The following KCNQ1 variants were observed in gnomAD, a reference collection of about 807,000 sequenced individuals.
KCNQ1 encodes the protein potassium voltage-gated channel subfamily Q member 1, also known as potassium voltage-gated channel subfamily KQT member 1.
In KCNQ1, 49 loss-of-function variants were observed where a neutral mutation model predicts 72.4. That is an observed-to-expected ratio of 0.68 (90% confidence interval 0.54 to 0.86). KCNQ1 has a LOEUF of 0.86. Among genes scored for constraint, KCNQ1 ranks in the 40% least tolerant of loss-of-function variants. The pLI is 0.00. For missense variants in KCNQ1, 790 were observed against 945.1 expected, an observed-to-expected ratio of 0.84 and a Z score of 2.15; for synonymous variants, 450 against 412.6, an observed-to-expected ratio of 1.09 and a Z score of -1.10.
intron 11 of KCNQ1, chr11:2,667,245 C>A (rs1430052188): frequency 2.5e-6 from 1 of 398,652 alleles, no homozygotes; most frequent in Admixed American, 4.4e-5. Context: ...TCCGTCTGAG[C>A]ACGTGAGGAA....
In KCNQ1 at chr11:2,748,600, C is replaced by T. The variant is rs1162522577; in HGVS notation, c.1515-20244C>T. ...CAGCATGAAACTGCAGGTGCAGGAG[C>T]CCCAGCCAGCCTGGAATGTGGGGGC... is the stretch of plus-strand genomic sequence containing the variant. On this transcript the variant is annotated intron_variant, in intron 11 of 15. Transcript: ENST00000155840. The surrounding 1 kb of genome is among the most constrained non-coding windows in gnomAD (Gnocchi z 6.2). 6.6e-6 allele frequency among the ~76,000 whole-genome samples: 1 copy of T among 152,206 alleles called. No homozygotes were observed. The highest frequency in any genetic ancestry group is 1.5e-5 in the Non-Finnish European group (1 of 68,022).
At chr11:2,470,661 T>C (rs1239549124) in intron 1 of KCNQ1, among the ~76,000 whole-genome samples, 1 of 149,590 alleles carries the variant, frequency 6.7e-6, no homozygotes, top group Non-Finnish European at 1.5e-5. Context: ...TTCCAGGGTT[T>C]CTCTGGGGTT....
chr11:2,585,541 G>C (rs1848581526), intron 8 of KCNQ1, among the ~76,000 whole-genome samples: 1 of 152,250 alleles, frequency 6.6e-6, no homozygotes, highest in South Asian at 2.1e-4. Flanking sequence ...CTGTGGGCTG[G>C]AGAGGAGGCA....
chr11:2,827,106 AGAG>A lies in KCNQ1; in HGVS notation c.1795-20656_1795-20654del, dbSNP rs1240389426. Reference sequence around the variant, plus strand: ...GGGAGGGGAACAGGCTGGGCTGCAGAGAGGAGGCCAGGCACAGTCACCTCGTGT... The same window carrying A: ...GGGAGGGGAACAGGCTGGGCTGCAGAGAGGCCAGGCACAGTCACCTCGTGT... On this transcript the variant is annotated intron_variant, in intron 15 of 15. Coordinates refer to ENST00000155840, the MANE Select transcript of KCNQ1 (RefSeq NM_000218.3). The surrounding 1 kb of genome is among the most constrained non-coding windows in gnomAD (Gnocchi z 6.7). 6.6e-5 allele frequency among the ~76,000 whole-genome samples: 10 copies of A among 152,184 alleles called. No homozygotes were observed. The highest frequency in any genetic ancestry group is 1.2e-4 in the Non-Finnish European group (8 of 68,014).
rs773286559 is a variant in KCNQ1, at chr11:2,815,188, TG to T, written c.1795-32575del. Among the ~76,000 whole-genome samples the T allele has an allele frequency of 7.2e-5, 11 of 152,184 alleles. No homozygotes were observed. The highest frequency in any genetic ancestry group is 2.1e-4 in the South Asian group (1 of 4,828). ...AGGGTGTCACTGAGGGTCCCAAGTC[TG>T]GGGTGGCCAGGTCACAGCTTGAACC... On this transcript the variant is annotated intron_variant, in intron 15 of 15. Transcript: ENST00000155840. This position sits in a 1 kb window ranked among gnomAD's most constrained non-coding sequence, Gnocchi z 5.4.
At chr11:2,665,967 C>G in intron 11 of KCNQ1, 1 of 398,660 alleles carries the variant, frequency 2.5e-6, no homozygotes, top group Non-Finnish European at 4.4e-6. Flanking sequence ...CACTGCATCC[C>G]CAACTGCCAA....
At chr11:2,758,900 G>A (rs953877334) in intron 11 of KCNQ1, among the ~76,000 whole-genome samples, 1 of 152,196 alleles carries the variant, frequency 6.6e-6, no homozygotes, top group Non-Finnish European at 1.5e-5. Context: ...TGGTGAGGGT[G>A]GGAGTGACTT....
In KCNQ1 at chr11:2,808,087, C is replaced by T. The variant is rs951339895; in HGVS notation, c.1794+30050C>T. 2.0e-5 allele frequency among the ~76,000 whole-genome samples: 3 copies of T among 152,234 alleles called. No individual in the cohort carries two copies. Among genetic ancestry groups the T allele is most frequent in the Admixed American group, 6.5e-5 (1 of 15,288 alleles). ...GTGGCAAGTGAAGGCGGCTGCTTCCCGCCCCTCTCATGGACACCACTGTGG... is the reference window on the plus strand; with the variant it reads ...GTGGCAAGTGAAGGCGGCTGCTTCCTGCCCCTCTCATGGACACCACTGTGG... On this transcript the variant is annotated intron_variant, in intron 15 of 15. Transcript: ENST00000155840. The surrounding 1 kb of genome is among the most constrained non-coding windows in gnomAD (Gnocchi z 6.0).
chr11:2,513,634 TC>T (rs1847244246), intron 1 of KCNQ1, among the ~76,000 whole-genome samples: 1 of 152,166 alleles, frequency 6.6e-6, no homozygotes, highest in Admixed American at 6.5e-5. Context: ...GTCGGGAGCC[TC>T]CATCACCAGA....
At position 2,478,111 on chromosome 11, in the gene KCNQ1, C is replaced by T. The variant is rs970763012; in HGVS notation, c.386+32627C>T. Among the ~76,000 whole-genome samples, 12 of 152,014 alleles carry T rather than the reference C, an allele frequency of 7.9e-5. No homozygotes were observed. The highest frequency in any genetic ancestry group is 1.9e-4 in the East Asian group (1 of 5,134). The stretch of plus-strand genomic sequence containing the variant: ...TCACCACCCTCCGGATGGACAGCCT[C>T]GGTAGCAGAACTCCTGCCAAAGACA... On this transcript the variant is annotated intron_variant, in intron 1 of 15. Transcript: ENST00000155840. This position sits in a 1 kb window ranked among gnomAD's most constrained non-coding sequence, Gnocchi z 4.0.
intron 10 of KCNQ1, chr11:2,638,933 G>C (rs1849524546): frequency 6.6e-6 from 1 of 151,978 alleles, no homozygotes; most frequent in Non-Finnish European, 1.5e-5. Context: ...TTTTTTCTCT[G>C]AACTTCTCTT....
intron 11 of KCNQ1, chr11:2,685,816 C>T (rs1850478617): frequency 2.5e-6 from 1 of 398,596 alleles, no homozygotes; most frequent in Non-Finnish European, 4.4e-6. Flanking sequence ...AATGCGATTC[C>T]TACTAGAACG....
intron 2 of KCNQ1, among the ~76,000 whole-genome samples, chr11:2,548,291 G>A (rs1847928812): frequency 1.3e-5 from 2 of 152,188 alleles, no homozygotes; most frequent in Admixed American, 6.5e-5. Flanking sequence ...GACTGGGAAC[G>A]TCTTTTGCTG....
Position 2,543,793 on chromosome 11 carries a change from C to T in KCNQ1, c.477+15775C>T, listed in dbSNP as rs116525426. On this transcript the variant is annotated intron_variant, in intron 2 of 15. Transcript: ENST00000155840. This position sits in a 1 kb window ranked among gnomAD's most constrained non-coding sequence, Gnocchi z 5.6. ...TTTTCTCTATCATGTAAGACATAGG[C>T]GGAGATTCATGTGTTTTTTCTTATG... Among the ~76,000 whole-genome samples, 2,836 of 152,142 alleles carry T rather than the reference C, an allele frequency of 0.019. 89 individuals are homozygous for T. Among genetic ancestry groups the T allele is most frequent in the African/African-American group, 0.061 (2,538 of 41,492 alleles).
chr11:2,611,018 G>C lies in KCNQ1; in HGVS notation c.1393+22164G>C, dbSNP rs1848972817. On this transcript the variant is annotated intron_variant, in intron 10 of 15. Transcript: ENST00000155840. The surrounding 1 kb of genome is among the most constrained non-coding windows in gnomAD (Gnocchi z 5.3). ...GTTGTCTATTATTGTTCAGTTGTCTGTTTCTCTCTTCATTTCTGACAGTTT... is the reference window on the plus strand; with the variant it reads ...GTTGTCTATTATTGTTCAGTTGTCTCTTTCTCTCTTCATTTCTGACAGTTT... The C allele has an allele frequency of 5.0e-6, 2 of 398,198 alleles. No individual in the cohort carries two copies. Among genetic ancestry groups the C allele is most frequent in the Non-Finnish European group, 8.8e-6 (2 of 225,998 alleles). 24.7% of individuals were successfully genotyped at this position (398,198 alleles called of 1,614,324 possible).
chr11:2,693,743 C>T (rs190171684), intron 11 of KCNQ1: 74 of 398,608 alleles, frequency 1.9e-4, no homozygotes, highest in Middle Eastern at 6.2e-4. Flanking sequence ...CTGGGTTATA[C>T]AGGCTCCTGC....
chr11:2,542,710 T>C (rs2133680316), intron 2 of KCNQ1, among the ~76,000 whole-genome samples: 1 of 152,250 alleles, frequency 6.6e-6, no homozygotes, highest in Middle Eastern at 3.4e-3. Flanking sequence ...AATCATACAG[T>C]GTGTGGTTTT....
rs891291205 is a variant in KCNQ1, at chr11:2,621,468, G to A, written c.1393+32614G>A. On this transcript the variant is annotated intron_variant, in intron 10 of 15. Transcript: ENST00000155840. The surrounding 1 kb of genome is among the most constrained non-coding windows in gnomAD (Gnocchi z 5.7). ...AGGACCTTTGCCAGATGAATAGTTT[G>A]CAAATATTTTTTCTCCCATTCTATA... 1.3e-5 allele frequency: 5 copies of A among 398,464 alleles called. No individual in the cohort carries two copies. Among genetic ancestry groups the A allele is most frequent in the Non-Finnish European group, 2.2e-5 (5 of 226,042 alleles). The allele number at this position is 398,464 out of a possible 1,614,324, so 24.7% of individuals were successfully genotyped here. A position where few individuals can be genotyped will look rare whatever the true frequency, so the allele number is the denominator to read the frequency against.
chr11:2,769,050 G>T lies in KCNQ1; in HGVS notation c.1590+131G>T, dbSNP rs1168311356. On this transcript the variant is annotated intron_variant, in intron 12 of 15. Coordinates refer to ENST00000155840, the MANE Select transcript of KCNQ1 (RefSeq NM_000218.3). This position sits in a 1 kb window ranked among gnomAD's most constrained non-coding sequence, Gnocchi z 4.6. ...AGGCCTCCGCCCCCAAGCCACACAG[G>T]CAGGCCTATCTGAGACCTGACAGTG... 7 of 803,056 alleles carry T rather than the reference G, an allele frequency of 8.7e-6. No homozygotes were observed. The highest frequency in any genetic ancestry group is 1.5e-5 in the Non-Finnish European group (7 of 468,266). The allele number at this position is 803,056 out of a possible 1,614,324, so 49.7% of individuals were successfully genotyped here.
Sources: allele counts gnomAD v4.1 joint callset (sites outside exome capture counted in the v4.1 genomes callset), GRCh38; gene constraint gnomAD v4.1.1; non-coding constraint Gnocchi (gnomAD v3.1); transcripts MANE v1.5; gene names NCBI Gene and HGNC (gene_info 2026-07-23, HGNC 2026-07-21).